The following CSMD3 variants were observed in gnomAD, a reference collection of about 807,000 sequenced individuals.
CSMD3 encodes the protein CUB and sushi domain-containing protein 3.
A neutral mutation model predicts 435.2 loss-of-function variants in CSMD3; 177 were observed. That is an observed-to-expected ratio of 0.41 (90% confidence interval 0.36 to 0.46). The LOEUF is 0.46. Among genes scored for constraint, CSMD3 ranks in the 20% least tolerant of loss-of-function variants. The pLI, the probability that CSMD3 is intolerant of heterozygous loss-of-function variation, is 0.34. For synonymous variants in CSMD3, 1,656 were observed against 1,520.5 expected, an observed-to-expected ratio of 1.09 and a Z score of -2.07; for missense variants, 4,265 against 4,504.6, an observed-to-expected ratio of 0.95 and a Z score of 1.52.
chr8:112,255,848 C>T lies in CSMD3; in HGVS notation c.9863-421G>A, dbSNP rs115650032. ...GGCTGCACGCTACAGATTGCAGTGC[C>T]CTTTTACATGTATATAAAAAGCTCT... On this transcript the variant is annotated intron_variant, in intron 61 of 70. Transcript: ENST00000297405. 514 of 183,088 alleles carry T rather than the reference C, an allele frequency of 2.8e-3. 3 individuals are homozygous for T. Among genetic ancestry groups the T allele is most frequent in the African/African-American group, 0.011 (469 of 41,834 alleles). The allele number at this position is 183,088 out of a possible 1,614,324, so 11.3% of individuals were successfully genotyped here.
chr8:112,282,325 T>A lies in CSMD3; in HGVS notation c.9332-975A>T, dbSNP rs990232940. ...TTACATATATACATAAAAATCAAAC[T>A]CTAGATAATATTTTAAGCAGAACCT... On this transcript the variant is annotated intron_variant, in intron 58 of 70. Transcript: ENST00000297405. Among the ~76,000 whole-genome samples the A allele has an allele frequency of 3.9e-5, 6 of 152,032 alleles. No individual in the cohort carries two copies. In the Admixed American group the frequency reaches 3.9e-4, roughly 10 times the overall value.
chr8:112,636,745 G>A (rs1021440433), intron 22 of CSMD3, 72 bp downstream of exon 22: 12 of 1,235,308 alleles, frequency 9.7e-6, no homozygotes, highest in South Asian at 2.4e-5. Context: ...TATAAAGAAC[G>A]AAGGGTGTAA....
intron 5 of CSMD3, among the ~76,000 whole-genome samples, chr8:113,087,834 C>CA (rs1344485852): frequency 6.6e-6 from 1 of 152,118 alleles, no homozygotes; most frequent in African/African-American, 2.4e-5. Context: ...AAAGCAATGG[C>CA]AACAAAAGCC....
chr8:112,353,935 C>T (rs914910626), intron 38 of CSMD3, among the ~76,000 whole-genome samples: 17 of 152,012 alleles, frequency 1.1e-4, no homozygotes, highest in Non-Finnish European at 2.4e-4. Flanking sequence ...GAACACAGTT[C>T]GTAAAATCCT....
At chr8:112,362,184 C>T (rs904616467) in intron 38 of CSMD3, among the ~76,000 whole-genome samples, 50 of 151,932 alleles carry the variant, frequency 3.3e-4, no homozygotes, top group African/African-American at 1.2e-3. Context: ...CTTAAGGTAC[C>T]TCAGAATCAA....
chr8:112,672,728 CA>C (rs2075686742), intron 16 of CSMD3, among the ~76,000 whole-genome samples: 1 of 151,972 alleles, frequency 6.6e-6, no homozygotes, highest in Non-Finnish European at 1.5e-5. Context: ...CAATATAGTT[CA>C]TTTATCTAGT....
intron 3 of CSMD3, among the ~76,000 whole-genome samples, chr8:113,263,773 T>C (rs10104117): frequency 0.16 from 24,725 of 151,766 alleles, 4,002 homozygotes; most frequent in African/African-American, 0.42. Flanking sequence ...GAAATTTCTT[T>C]TTTGGTATAT....
intron 4 of CSMD3, among the ~76,000 whole-genome samples, chr8:113,156,752 A>ATAAATAAATAAT (rs1554792370): frequency 2.0e-5 from 3 of 149,230 alleles, no homozygotes; most frequent in East Asian, 2.0e-4. Flanking sequence ...AAATAAATAA[A>ATAAATAAATAAT]TAAATAAATA....
chr8:112,977,691 A>G (rs1473170595), intron 6 of CSMD3, among the ~76,000 whole-genome samples: 1 of 152,056 alleles, frequency 6.6e-6, no homozygotes, highest in East Asian at 1.9e-4. Flanking sequence ...ATTTTGAAAG[A>G]GCCAAAAGTA....
chr8:112,521,232 T>G (rs919260245), intron 27 of CSMD3, among the ~76,000 whole-genome samples: 1 of 152,008 alleles, frequency 6.6e-6, no homozygotes, highest in Non-Finnish European at 1.5e-5. Context: ...TCTGCTTTCT[T>G]TAATAGAAAA....
At chr8:113,003,160 A>G (rs1353276021) in intron 6 of CSMD3, among the ~76,000 whole-genome samples, 1 of 152,002 alleles carries the variant, frequency 6.6e-6, no homozygotes, top group Non-Finnish European at 1.5e-5. Flanking sequence ...CAGAAGAATC[A>G]CTTGAACCCA....
At position 112,973,285 on chromosome 8, in the gene CSMD3, T is replaced by TA. The variant is rs138889434; in HGVS notation, c.1342+2551dup. On this transcript the variant is annotated intron_variant, in intron 7 of 70. Coordinates refer to ENST00000297405, the MANE Select transcript of CSMD3 (RefSeq NM_198123.2). ...GGAATAAGTTTTTTTCTGAAATATC[T>TA]AAAAAAATTAAGCAATTGGTTTTCG... is the stretch of plus-strand genomic sequence containing the variant. Among the ~76,000 whole-genome samples the TA allele has an allele frequency of 8.8e-3, 1,331 of 152,000 alleles. 16 individuals are homozygous for TA. Among genetic ancestry groups the TA allele is most frequent in the African/African-American group, 0.03 (1,265 of 41,542 alleles).
At chr8:112,691,230 T>C (rs2076130392) in intron 13 of CSMD3, among the ~76,000 whole-genome samples, 1 of 152,200 alleles carries the variant, frequency 6.6e-6, no homozygotes, top group African/African-American at 2.4e-5. Flanking sequence ...CATACATGCA[T>C]TTAAACGTTT....
In CSMD3 at chr8:112,758,364, T is replaced by A. The variant is rs200344736; in HGVS notation, c.1972+41798A>T. Among the ~76,000 whole-genome samples the A allele has an allele frequency of 2.4e-3, 349 of 143,922 alleles. 3 individuals are homozygous for A. The East Asian group carries it at 0.033, about 14-fold the overall frequency. The allele number at this position is 143,922 out of a possible 152,430, so 94.4% of individuals were successfully genotyped here. On this transcript the variant is annotated intron_variant, in intron 13 of 70. Coordinates refer to ENST00000297405, the MANE Select transcript of CSMD3 (RefSeq NM_198123.2). Reference sequence around the variant, plus strand: ...GAGACTCCATTTCAAAAAAAAAAAATTTAAAAAAGGAAAAAAATATGATTT... The same window carrying A: ...GAGACTCCATTTCAAAAAAAAAAAAATTAAAAAAGGAAAAAAATATGATTT...
At chr8:113,185,755 G>A (rs1404051229) in intron 3 of CSMD3, among the ~76,000 whole-genome samples, 1 of 152,050 alleles carries the variant, frequency 6.6e-6, no homozygotes, top group Non-Finnish European at 1.5e-5. Context: ...ATGCGTGTGT[G>A]TGTGCATGTG....
At chr8:112,805,558 A>G (rs2079065293) in intron 12 of CSMD3, among the ~76,000 whole-genome samples, 1 of 152,230 alleles carries the variant, frequency 6.6e-6, no homozygotes, top group South Asian at 2.1e-4. Flanking sequence ...GAAAGAAGGT[A>G]AATGTGATAA....
chr8:112,321,504 A>C (rs974394546), intron 45 of CSMD3, among the ~76,000 whole-genome samples: 2 of 152,200 alleles, frequency 1.3e-5, no homozygotes, highest in Non-Finnish European at 2.9e-5. Context: ...CAGGTGGAGG[A>C]GAAAACTTGA....
intron 6 of CSMD3, among the ~76,000 whole-genome samples, chr8:112,988,987 T>A (rs1046514391): frequency 5.9e-5 from 9 of 152,090 alleles, no homozygotes; most frequent in Non-Finnish European, 1.0e-4. Context: ...ACTCAACAAG[T>A]ATTTATTGTC....
chr8:113,350,433 G>T (rs761455620), intron 1 of CSMD3, among the ~76,000 whole-genome samples: 3 of 152,020 alleles, frequency 2.0e-5, no homozygotes, highest in Admixed American at 6.6e-5. Context: ...GAATTAAAAA[G>T]AACTCTAATT....
Sources: gnomAD v4.1 joint callset for allele counts (sites outside exome capture counted in the v4.1 genomes callset) on GRCh38, gnomAD v4.1.1 for gene constraint, MANE v1.5 for transcripts, NCBI Gene and HGNC (gene_info 2026-07-23, HGNC 2026-07-21) for gene names.